ZC3H12B: variants seen among roughly 807,000 people sequenced by gnomAD.
ZC3H12B encodes probable ribonuclease ZC3H12B.
Under a neutral mutation model 43.9 loss-of-function variants are expected in ZC3H12B, and 7 were observed. That is an observed-to-expected ratio of 0.16 (90% CI 0.09 to 0.30). The LOEUF is 0.30. Among genes scored for constraint, ZC3H12B ranks in the 10% least tolerant of loss-of-function variants. The pLI is 1.00. For missense variants in ZC3H12B, 475 were observed against 670.2 expected (o/e 0.71, Z 3.22); for synonymous variants, 222 against 241.7 (o/e 0.92, Z 0.76).
At chrX:65,438,171 A>T (rs1180434158) in intron 3 of ZC3H12B, among the ~76,000 whole-genome samples, 3 of 111,698 alleles carry the variant, frequency 2.7e-5, no homozygotes, top group Non-Finnish European at 5.6e-5. Context: ...TTTCAGTTTC[A>T]TTCTGTATGC....
the ZC3H12B span, among the ~76,000 whole-genome samples, chrX:65,257,548 C>A: frequency 6.8e-4 from 75 of 109,945 alleles, 1 homozygote; most frequent in East Asian, 0.021. Flanking sequence ...ACATGTATAC[C>A]TATGTAACAA....
chrX:65,461,028 A>T (rs1402149895), intron 3 of ZC3H12B, among the ~76,000 whole-genome samples: 56 of 111,958 alleles, frequency 5.0e-4, no homozygotes, highest in Non-Finnish European at 9.6e-4. Context: ...AAACAACCCC[A>T]TCAAAAAGTG....
At chrX:65,284,683 C>A in the ZC3H12B span, among the ~76,000 whole-genome samples, 1 of 110,227 alleles carries the variant, frequency 9.1e-6, no homozygotes, top group South Asian at 3.8e-4. Flanking sequence ...ATCACTTGAA[C>A]GTGGGAGGAA....
the ZC3H12B span, among the ~76,000 whole-genome samples, chrX:65,116,441 G>C: frequency 3.6e-5 from 4 of 111,318 alleles, no homozygotes; most frequent in African/African-American, 1.3e-4. Flanking sequence ...TGTTGTTTTG[G>C]TGACTATGGC....
At chrX:65,340,298 C>A in the ZC3H12B span, among the ~76,000 whole-genome samples, 1 of 112,307 alleles carries the variant, frequency 8.9e-6, no homozygotes, top group African/African-American at 3.2e-5. Context: ...CTGCTGTGAA[C>A]ACCCACACAT....
the ZC3H12B span, among the ~76,000 whole-genome samples, chrX:65,136,577 G>T: frequency 2.7e-5 from 3 of 111,110 alleles, no homozygotes; most frequent in South Asian, 3.8e-4. Context: ...CTGCTAGACT[G>T]CCCCTTCTAT....
At chrX:65,431,970 A>T (rs966680297) in intron 3 of ZC3H12B, among the ~76,000 whole-genome samples, 1 of 112,069 alleles carries the variant, frequency 8.9e-6, no homozygotes, top group African/African-American at 3.2e-5. Context: ...GTGCATGTGT[A>T]TCATGAAGAA....
chrX:65,097,396 T>G, the ZC3H12B span, among the ~76,000 whole-genome samples: 1 of 111,727 alleles, frequency 9.0e-6, no homozygotes, highest in Non-Finnish European at 1.9e-5. Context: ...TCTAGAATTT[T>G]TCTGGGCCTT....
chrX:65,168,816 GT>G, the ZC3H12B span, among the ~76,000 whole-genome samples: 1 of 111,440 alleles, frequency 9.0e-6, no homozygotes, highest in African/African-American at 3.3e-5. Context: ...AGATTTTCTA[GT>G]TTGTTTTGTA....
At chrX:65,190,665 C>G in the ZC3H12B span, among the ~76,000 whole-genome samples, 3 of 109,912 alleles carry the variant, frequency 2.7e-5, no homozygotes, top group Non-Finnish European at 3.8e-5. Context: ...TGAGACTTTG[C>G]TGAAGTTGCT....
chrX:65,171,770 A>C, the ZC3H12B span, among the ~76,000 whole-genome samples: 1 of 110,564 alleles, frequency 9.0e-6, no homozygotes, highest in Non-Finnish European at 1.9e-5. Context: ...TCTTGCTTCC[A>C]CCTTTCAGTT....
the ZC3H12B span, among the ~76,000 whole-genome samples, chrX:65,231,049 C>G: frequency 8.1e-5 from 9 of 111,330 alleles, no homozygotes; most frequent in East Asian, 2.6e-3. Flanking sequence ...TCTATTTTCC[C>G]TAATTGTTGG....
At chrX:65,376,147 G>C (rs780681949) in intron 2 of ZC3H12B, among the ~76,000 whole-genome samples, 5 of 112,397 alleles carry the variant, frequency 4.4e-5, no homozygotes, top group African/African-American at 1.3e-4. Context: ...ATCAGTGGTA[G>C]CTTGAAAATA....
chrX:65,083,245 C>T, the ZC3H12B span, among the ~76,000 whole-genome samples: 1 of 111,396 alleles, frequency 9.0e-6, no homozygotes, highest in Admixed American at 9.5e-5. Flanking sequence ...CAACACATTA[C>T]TGGAATTCCT....
the ZC3H12B span, among the ~76,000 whole-genome samples, chrX:65,252,507 T>G: frequency 8.9e-6 from 1 of 111,818 alleles, no homozygotes; most frequent in Non-Finnish European, 1.9e-5. Flanking sequence ...TATTACCCCC[T>G]TTTTACAGAT....
chrX:65,330,172 T>A, the ZC3H12B span, among the ~76,000 whole-genome samples: 8 of 111,231 alleles, frequency 7.2e-5, no homozygotes, highest in African/African-American at 2.6e-4. Flanking sequence ...TGATTCTTCC[T>A]ACCCAAGTTC....
chrX:65,181,152 A>G, the ZC3H12B span, among the ~76,000 whole-genome samples: 1 of 111,922 alleles, frequency 8.9e-6, no homozygotes, highest in South Asian at 3.7e-4. Flanking sequence ...AGCAATGGGA[A>G]AAGGATTTTC....
chrX:65,493,420 C>T (rs758334680), intron 1 of ZC3H12B, among the ~76,000 whole-genome samples: 2 of 111,591 alleles, frequency 1.8e-5, no homozygotes, highest in Non-Finnish European at 3.8e-5. Context: ...CTTCGTTTGC[C>T]ATTAGCAGCA....
chrX:65,364,178 C>T (rs188750325), upstream of ZC3H12B, among the ~76,000 whole-genome samples: 428 of 110,858 alleles, frequency 3.9e-3, 1 homozygote, highest in Middle Eastern at 0.028. Context: ...ATTGAGGCTA[C>T]CGCTCTGCCC....
Sources: allele counts gnomAD v4.1 joint callset (sites outside exome capture counted in the v4.1 genomes callset), GRCh38; gene constraint gnomAD v4.1.1; transcripts MANE v1.5; gene names NCBI Gene and HGNC (gene_info 2026-07-23, HGNC 2026-07-21).